Variants in TASOR2 observed in about 807,000 individuals in gnomAD.
TASOR2 encodes transcription activation suppressor family member 2.
A neutral mutation model predicts 199.5 loss-of-function variants in TASOR2; 84 were observed. The ratio of observed to expected loss-of-function variants is 0.42; its 90% confidence interval spans 0.35 to 0.50. The LOEUF (loss-of-function observed/expected upper bound fraction) is 0.50. Ranked by LOEUF, TASOR2 falls within the 20% of genes least tolerant of loss-of-function variation. The pLI is 0.02. For missense variants in TASOR2, 2,796 were observed against 2,835.9 expected, an observed-to-expected ratio of 0.99 and a Z score of 0.32; for synonymous variants, 1,103 against 1,046.6, an observed-to-expected ratio of 1.05 and a Z score of -1.04.
At chr10:5,713,193 G>A (rs1832141384) in intron 2 of TASOR2, among the ~76,000 whole-genome samples, 1 of 152,094 alleles carries the variant, frequency 6.6e-6, no homozygotes, top group Admixed American at 6.6e-5. Context: ...TGTCAATAAT[G>A]GCCTTTACTA....
rs77752212 is a variant in TASOR2 at position 5,720,358 on chromosome 10, T to C, written c.-99-186T>C. On this transcript the variant is annotated intron_variant, in intron 3 of 20. Coordinates refer to ENST00000328090, the Ensembl canonical transcript of TASOR2. The surrounding 1 kb of genome is among the most constrained non-coding windows in gnomAD (Gnocchi z 5.3). Reference sequence around the variant, plus strand: ...TGTCTGAAAATACTAACAAGGTTTCTAACAAGACGAGTCATTTTCGTGCCT... The same window carrying C: ...TGTCTGAAAATACTAACAAGGTTTCCAACAAGACGAGTCATTTTCGTGCCT... 3.6e-5 allele frequency: 35 copies of C among 985,416 alleles called. No individual in the cohort carries two copies. In the East Asian group the frequency reaches 3.9e-3, roughly 109 times the overall value. The allele number at this position is 985,416 out of a possible 1,614,324, so 61.0% of individuals were successfully genotyped here.
At chr10:5,717,027 CAA>C (rs71388471) in intron 2 of TASOR2, among the ~76,000 whole-genome samples, 112,692 of 124,644 alleles carry the variant, frequency 0.9, 50,958 homozygotes, top group Non-Finnish European at 0.93. Flanking sequence ...GCTTACATCT[CAA>C]AAAAAAAAAA....
At chr10:5,753,612 G>A (rs140148883) in intron 15 of TASOR2, among the ~76,000 whole-genome samples, 2,412 of 152,148 alleles carry the variant, frequency 0.016, 33 homozygotes, top group Non-Finnish European at 0.024. Flanking sequence ...CGCCTACCTT[G>A]GCCTCCCAAA....
In TASOR2 at chr10:5,687,035, TTGAG is replaced by T. The variant is rs1192503847; in HGVS notation, c.-288+1862_-288+1865del. ...ATATAATCTGAGAAGAGACATTTAT[TTGAG>T]TTTTTCCTTCTAAGAGAATATGTAC... is the stretch of plus-strand genomic sequence containing the variant. On this transcript the variant is annotated intron_variant, in intron 1 of 20. Coordinates refer to ENST00000328090, the Ensembl canonical transcript of TASOR2. The surrounding 1 kb of genome is among the most constrained non-coding windows in gnomAD (Gnocchi z 4.8). Among the ~76,000 whole-genome samples the T allele has an allele frequency of 1.3e-5, 2 of 152,214 alleles. No homozygotes were observed. Among genetic ancestry groups the T allele is most frequent in the Non-Finnish European group, 2.9e-5 (2 of 68,030 alleles).
In TASOR2 at chr10:5,699,909, T is replaced by C. The variant is rs542762697; in HGVS notation, c.-287-12914T>C. ...ATATAATTTGTAGAGATCAAGTCAG[T>C]GTAGTTGGGTCATCTGTTACCTTAA... is the stretch of plus-strand genomic sequence containing the variant. On this transcript the variant is annotated intron_variant, in intron 1 of 20. Coordinates refer to ENST00000328090, the Ensembl canonical transcript of TASOR2. This position sits in a 1 kb window ranked among gnomAD's most constrained non-coding sequence, Gnocchi z 4.1. Among the ~76,000 whole-genome samples the C allele has an allele frequency of 8.5e-5, 13 of 152,302 alleles. No individual in the cohort carries two copies. In the East Asian group the frequency reaches 2.5e-3, roughly 29 times the overall value.
At chr10:5,749,204 TCTC>T in exon 15 of TASOR2, 1 of 1,613,920 alleles carries the variant, frequency 6.2e-7, no homozygotes, top group East Asian at 2.2e-5. Flanking sequence ...TACGCCAACT[TCTC>T]TATAACAAAA....
At chr10:5,747,512 T>C in exon 15 of TASOR2, 2 of 1,614,184 alleles carry the variant, frequency 1.2e-6, no homozygotes, top group Non-Finnish European at 1.7e-6. Context: ...GGGGATAATT[T>C]ACAACCAGTT....
At chr10:5,700,032 A>G (rs1837612121) in intron 1 of TASOR2, among the ~76,000 whole-genome samples, 1 of 152,182 alleles carries the variant, frequency 6.6e-6, no homozygotes, top group Admixed American at 6.5e-5. Context: ...ATCTAACACT[A>G]GGTCTTCTAT....
At chr10:5,729,598 C>T (rs144812870) in intron 10 of TASOR2, among the ~76,000 whole-genome samples, 39 of 152,224 alleles carry the variant, frequency 2.6e-4, no homozygotes, top group Admixed American at 1.2e-3. Flanking sequence ...TGTTATTTGT[C>T]CTTCATTTCC....
intron 1 of TASOR2, among the ~76,000 whole-genome samples, chr10:5,704,454 T>A (rs1445730138): frequency 3.3e-5 from 5 of 152,170 alleles, no homozygotes; most frequent in African/African-American, 1.2e-4. Context: ...CCTTATAATT[T>A]ATAGTACATA....
At chr10:5,746,208 A>G in exon 15 of TASOR2, 1 of 1,580,362 alleles carries the variant, frequency 6.3e-7, no homozygotes, top group Non-Finnish European at 8.6e-7. Flanking sequence ...AACAAGAATC[A>G]TTGGAGACTT....
At chr10:5,724,147 G>A (rs372197686) in intron 7 of TASOR2, among the ~76,000 whole-genome samples, 1 of 151,032 alleles carries the variant, frequency 6.6e-6, no homozygotes. Context: ...AAATTTCTTG[G>A]TCATTTAGGT....
chr10:5,763,712 A>G (rs2131674207), exon 21 of TASOR2: 1 of 152,332 alleles, frequency 6.6e-6, no homozygotes, highest in African/African-American at 2.4e-5. Flanking sequence ...AATGTGTTTC[A>G]TTTTTTAAAT....
At chr10:5,745,673 G>A (rs553839257) in intron 14 of TASOR2, among the ~76,000 whole-genome samples, 4 of 152,056 alleles carry the variant, frequency 2.6e-5, no homozygotes, top group Admixed American at 1.3e-4. Flanking sequence ...CCAGCTACTC[G>A]GGAGGCTGAG....
At position 5,740,328 on chromosome 10, in the gene TASOR2, G is replaced by A. The variant is rs201548597; in HGVS notation, c.2158G>A (p.Asp720Asn). 3.0e-5 allele frequency: 48 copies of A among 1,614,052 alleles called. No individual in the cohort carries two copies. The highest frequency in any genetic ancestry group is 1.6e-4 in the Middle Eastern group (1 of 6,084). The change falls in exon 13 of 21, where the codon GAT (aspartate) becomes AAT (asparagine). Residue 720 changes from aspartate (D) to asparagine (N), a missense_variant. Transcript: ENST00000328090. The surrounding 1 kb of genome is among the most constrained non-coding windows in gnomAD (Gnocchi z 5.3). ...TGACGACCCCGTGGTGAAGCCCAAGGATCGACCACCGTCTGCCCGTGTGAA... is the reference window on the plus strand; with the variant it reads ...TGACGACCCCGTGGTGAAGCCCAAGAATCGACCACCGTCTGCCCGTGTGAA...
At chr10:5,733,883 TTAATA>T (rs1835196361) in intron 11 of TASOR2, among the ~76,000 whole-genome samples, 1 of 152,230 alleles carries the variant, frequency 6.6e-6, no homozygotes, top group South Asian at 2.1e-4. Flanking sequence ...TTAGTACTTA[TTAATA>T]TAATAATTTG....
chr10:5,753,873 T>G (rs1564365138), intron 15 of TASOR2, among the ~76,000 whole-genome samples: 1 of 152,204 alleles, frequency 6.6e-6, no homozygotes, highest in African/African-American at 2.4e-5. Context: ...GAATTCAGGT[T>G]AATTTTATTT....
rs77332770 is a variant in TASOR2 at position 5,722,655 on chromosome 10, T to A, written c.147-1022T>A. ...TGGATGAAGGGTATTAAAGAGTTCT[T>A]TGTCCTATGTTTGCAACTTTTGTAT... On this transcript the variant is annotated intron_variant, in intron 6 of 20. Coordinates refer to ENST00000328090, the Ensembl canonical transcript of TASOR2. The surrounding 1 kb of genome is among the most constrained non-coding windows in gnomAD (Gnocchi z 4.0). Among the ~76,000 whole-genome samples the A allele has an allele frequency of 3.3e-3, 501 of 152,262 alleles. 2 individuals are homozygous for A. The highest frequency in any genetic ancestry group is 0.011 in the African/African-American group (476 of 41,548).
exon 20 of TASOR2, chr10:5,762,534 A>G (rs746714155): frequency 1.2e-6 from 1 of 830,810 alleles, no homozygotes; most frequent in South Asian, 2.4e-5. Context: ...TTTAACAGAC[A>G]AGCCTACTAT....
Sources: allele counts gnomAD v4.1 joint callset (sites outside exome capture counted in the v4.1 genomes callset), GRCh38; gene constraint gnomAD v4.1.1; non-coding constraint Gnocchi (gnomAD v3.1); transcripts MANE v1.5; gene names NCBI Gene and HGNC (gene_info 2026-07-23, HGNC 2026-07-21).